SORCS2: variants seen among roughly 807,000 people sequenced by gnomAD.
SORCS2 encodes sortilin related VPS10 domain containing receptor 2, also known as VPS10 domain-containing receptor SorCS2.
Under a neutral mutation model 141.6 loss-of-function variants are expected in SORCS2, and 100 were observed. That is an observed-to-expected ratio of 0.71 (90% confidence interval 0.60 to 0.83). SORCS2 has a LOEUF of 0.83. SORCS2 is among the 40% of genes least tolerant of loss of function. SORCS2 has a pLI of 0.00. For missense variants in SORCS2, 1,646 were observed against 1,560.2 expected (o/e 1.05, Z -0.93); for synonymous variants, 789 against 676.9 (o/e 1.17, Z -2.57).
intron 1 of SORCS2, among the ~76,000 whole-genome samples, chr4:7,285,171 T>G (rs1166154247): frequency 1.3e-5 from 2 of 152,202 alleles, no homozygotes; most frequent in East Asian, 1.9e-4. Context: ...GAGCTGGAAT[T>G]ACAGGTGCCT....
chr4:7,736,612 C>A (rs1052943558), intron 25 of SORCS2, among the ~76,000 whole-genome samples: 9 of 152,158 alleles, frequency 5.9e-5, no homozygotes, highest in Non-Finnish European at 1.2e-4. Context: ...GCTGGGAAAT[C>A]GAGGACAGTA....
chr4:7,728,598 C>G (rs1472318160), intron 22 of SORCS2, 136 bp downstream of exon 22: 2 of 618,700 alleles, frequency 3.2e-6, no homozygotes, highest in South Asian at 2.0e-5. Context: ...GGTCTTCGGG[C>G]CAGCTGGGGA....
chr4:7,375,550 G>A (rs12506113), intron 1 of SORCS2, among the ~76,000 whole-genome samples: 103,525 of 151,388 alleles, frequency 0.68, 35,688 homozygotes, highest in East Asian at 0.94. Context: ...AGCGATGCCC[G>A]TGTGCATGGA....
At chr4:7,596,328 G>C (rs920256080) in intron 3 of SORCS2, among the ~76,000 whole-genome samples, 2 of 152,196 alleles carry the variant, frequency 1.3e-5, no homozygotes, top group Non-Finnish European at 2.9e-5. Context: ...TCTGCAAAGA[G>C]AGCTTCATTT....
At chr4:7,416,375 A>G (rs1237551005) in intron 2 of SORCS2, among the ~76,000 whole-genome samples, 3 of 152,140 alleles carry the variant, frequency 2.0e-5, no homozygotes, top group African/African-American at 7.2e-5. Context: ...GTTGAGTGCA[A>G]AGTCCAAGCA....
chr4:7,357,219 G>C (rs1276975339), intron 1 of SORCS2, among the ~76,000 whole-genome samples: 2 of 152,158 alleles, frequency 1.3e-5, no homozygotes, highest in African/African-American at 4.8e-5. Flanking sequence ...CCGGGGACTC[G>C]GGAGGGACCA....
chr4:7,217,485 C>G (rs931624219), intron 1 of SORCS2, among the ~76,000 whole-genome samples: 8 of 152,198 alleles, frequency 5.3e-5, no homozygotes, highest in African/African-American at 1.9e-4. Context: ...GCAGGAGGCT[C>G]GCAGGCTACA....
intron 1 of SORCS2, among the ~76,000 whole-genome samples, chr4:7,263,807 G>A (rs1229169992): frequency 6.6e-6 from 1 of 152,194 alleles, no homozygotes; most frequent in Non-Finnish European, 1.5e-5. Flanking sequence ...GGCTGGGCAA[G>A]TGCCTTCATG....
At chr4:7,474,258 T>C (rs1417736235) in intron 2 of SORCS2, among the ~76,000 whole-genome samples, 1 of 152,188 alleles carries the variant, frequency 6.6e-6, no homozygotes, top group East Asian at 1.9e-4. Flanking sequence ...AGGCAACATC[T>C]CCAGAAACAG....
intron 1 of SORCS2, among the ~76,000 whole-genome samples, chr4:7,234,190 A>G (rs1422970786): frequency 6.6e-6 from 1 of 152,136 alleles, no homozygotes; most frequent in Admixed American, 6.5e-5. Flanking sequence ...AAATGTATTG[A>G]TTCTTTTGAT....
chr4:7,325,399 T>TAATGAATG (rs199709302), intron 1 of SORCS2, among the ~76,000 whole-genome samples: 19 of 151,724 alleles, frequency 1.3e-4, no homozygotes, highest in African/African-American at 4.4e-4. Context: ...CCCTAGGAAA[T>TAATGAATG]AATGAATGAA....
chr4:7,359,791 C>T (rs1293572965), intron 1 of SORCS2, among the ~76,000 whole-genome samples: 1 of 152,166 alleles, frequency 6.6e-6, no homozygotes, highest in Non-Finnish European at 1.5e-5. Context: ...AGCACTTTAA[C>T]CTGAAGAATA....
chr4:7,695,208 A>G (rs928825841), intron 11 of SORCS2, among the ~76,000 whole-genome samples: 4 of 146,528 alleles, frequency 2.7e-5, no homozygotes, highest in African/African-American at 1.0e-4. Context: ...TTAATAAAAG[A>G]TGGATGGGAG....
At chr4:7,678,486 G>T (rs1366292512) in intron 9 of SORCS2, among the ~76,000 whole-genome samples, 28 of 145,664 alleles carry the variant, frequency 1.9e-4, no homozygotes, top group African/African-American at 6.6e-4. Context: ...TTTGCTGTGT[G>T]GCCATAGGTG....
At chr4:7,316,978 GT>G (rs1378597602) in intron 1 of SORCS2, among the ~76,000 whole-genome samples, 12 of 152,118 alleles carry the variant, frequency 7.9e-5, no homozygotes, top group Non-Finnish European at 1.8e-4. Context: ...ACTTCCACAA[GT>G]TCTGAATGCA....
intron 1 of SORCS2, among the ~76,000 whole-genome samples, chr4:7,354,656 C>A (rs1470626776): frequency 6.6e-6 from 1 of 152,162 alleles, no homozygotes; most frequent in African/African-American, 2.4e-5. Context: ...GGGAAGGGCA[C>A]TAATTAAGTA....
At chr4:7,354,500 CGA>C (rs1721132681) in intron 1 of SORCS2, among the ~76,000 whole-genome samples, 1 of 152,084 alleles carries the variant, frequency 6.6e-6, no homozygotes, top group Non-Finnish European at 1.5e-5. Flanking sequence ...GAGATTGGGG[CGA>C]GTCCCAGCCC....
At chr4:7,680,366 C>T (rs1723446511) in intron 9 of SORCS2, among the ~76,000 whole-genome samples, 1 of 152,248 alleles carries the variant, frequency 6.6e-6, no homozygotes. Context: ...CTGGGGAGAA[C>T]TCGAGACCCC....
At chr4:7,651,716 C>A (rs1332416490) in intron 4 of SORCS2, among the ~76,000 whole-genome samples, 1 of 152,208 alleles carries the variant, frequency 6.6e-6, no homozygotes, top group Non-Finnish European at 1.5e-5. Flanking sequence ...TTTTTCCCTC[C>A]GCACCCTCCC....
Sources: gnomAD v4.1 joint callset for allele counts (sites outside exome capture counted in the v4.1 genomes callset) on GRCh38, gnomAD v4.1.1 for gene constraint, MANE v1.5 for transcripts, NCBI Gene and HGNC (gene_info 2026-07-23, HGNC 2026-07-21) for gene names.